The following RAB38 variants were observed in gnomAD, a reference collection of about 807,000 sequenced individuals.
RAB38 encodes ras-related protein Rab-38.
In RAB38, 15 loss-of-function variants were observed where a neutral mutation model predicts 18.4. The observed-to-expected ratio is 0.82, with a 90% confidence interval of 0.55 to 1.26. The LOEUF is 1.26. Ranked by LOEUF, RAB38 falls within the 50% of genes most tolerant of loss-of-function variation. The pLI is 0.00. For synonymous variants in RAB38, 101 were observed against 104.4 expected (o/e 0.97, Z 0.20); for missense variants, 294 against 267.4 (o/e 1.10, Z -0.69).
the RAB38 span, among the ~76,000 whole-genome samples, chr11:88,069,353 G>A: frequency 1.3e-5 from 2 of 152,186 alleles, no homozygotes; most frequent in African/African-American, 4.8e-5. Flanking sequence ...CTCCCACGTG[G>A]CCCAAGCCTC....
the RAB38 span, among the ~76,000 whole-genome samples, chr11:87,807,143 G>C: frequency 6.6e-6 from 1 of 152,136 alleles, no homozygotes; most frequent in African/African-American, 2.4e-5. Flanking sequence ...ATGATCTCAG[G>C]TGGAACAATT....
At chr11:87,942,848 C>T in the RAB38 span, among the ~76,000 whole-genome samples, 2 of 152,140 alleles carry the variant, frequency 1.3e-5, no homozygotes, top group African/African-American at 2.4e-5. Flanking sequence ...TAATCATTCT[C>T]GCTTTTCATA....
the RAB38 span, among the ~76,000 whole-genome samples, chr11:87,941,212 G>GATATATATATATATATATATAT: frequency 9.7e-3 from 365 of 37,616 alleles, 38 homozygotes; most frequent in South Asian, 0.018. Flanking sequence ...ATAAATATAT[G>GATATATATATATATATATATAT]AGATATATAT....
intron 2 of RAB38, among the ~76,000 whole-genome samples, chr11:88,144,286 A>G (rs1942952937): frequency 1.3e-5 from 2 of 152,218 alleles, no homozygotes; most frequent in Non-Finnish European, 1.5e-5. Context: ...GTGGAGGTAT[A>G]TCTTATAACT....
the RAB38 span, among the ~76,000 whole-genome samples, chr11:87,958,762 C>A: frequency 6.6e-6 from 1 of 152,154 alleles, no homozygotes. Flanking sequence ...TTGAACAGGG[C>A]ATACGTTTGC....
the RAB38 span, among the ~76,000 whole-genome samples, chr11:87,874,690 A>T: frequency 5.3e-5 from 8 of 150,904 alleles, no homozygotes; most frequent in East Asian, 3.9e-4. Context: ...AAAATAAATT[A>T]AAAAATGCTC....
At chr11:87,880,491 A>C in the RAB38 span, among the ~76,000 whole-genome samples, 2 of 151,856 alleles carry the variant, frequency 1.3e-5, 1 homozygote. Context: ...TATGAAAAAG[A>C]AATCACATTG....
At chr11:88,024,509 G>A in the RAB38 span, among the ~76,000 whole-genome samples, 2 of 152,110 alleles carry the variant, frequency 1.3e-5, no homozygotes, top group Admixed American at 1.3e-4. Context: ...GGGCTACCAC[G>A]TGATCCAGCA....
chr11:88,033,292 G>A, the RAB38 span, among the ~76,000 whole-genome samples: 1 of 151,864 alleles, frequency 6.6e-6, no homozygotes, highest in Non-Finnish European at 1.5e-5. Flanking sequence ...ACGAGTTAGT[G>A]GGTGCAGCAC....
At chr11:88,089,219 C>T in the RAB38 span, among the ~76,000 whole-genome samples, 1 of 150,560 alleles carries the variant, frequency 6.6e-6, no homozygotes, top group Non-Finnish European at 1.5e-5. Context: ...TCTTGTGACA[C>T]TCTCTCTTGT....
intron 1 of RAB38, among the ~76,000 whole-genome samples, chr11:88,154,127 T>C (rs1943097169): frequency 6.6e-6 from 1 of 152,196 alleles, no homozygotes; most frequent in African/African-American, 2.4e-5. Flanking sequence ...AAGCACTTTG[T>C]TTCTCCCAAG....
At chr11:87,895,948 T>G in the RAB38 span, among the ~76,000 whole-genome samples, 2 of 151,734 alleles carry the variant, frequency 1.3e-5, no homozygotes, top group African/African-American at 4.8e-5. Context: ...CCTTTGTACA[T>G]GTCATTTTCT....
chr11:87,907,937 A>C, the RAB38 span, among the ~76,000 whole-genome samples: 2 of 151,850 alleles, frequency 1.3e-5, no homozygotes, highest in Non-Finnish European at 2.9e-5. Flanking sequence ...CATTTTATAT[A>C]TAGTATAAAT....
At chr11:87,879,904 TA>T in the RAB38 span, 3 of 151,732 alleles carry the variant, frequency 2.0e-5, no homozygotes, top group Non-Finnish European at 2.9e-5. Flanking sequence ...ATATTTCAAA[TA>T]TTATTATAGA....
At chr11:87,939,363 G>T in the RAB38 span, among the ~76,000 whole-genome samples, 1 of 132,018 alleles carries the variant, frequency 7.6e-6, no homozygotes, top group African/African-American at 3.0e-5. Context: ...CTTCATTGGG[G>T]TAACACACAC....
At chr11:87,808,178 C>G in the RAB38 span, among the ~76,000 whole-genome samples, 1 of 152,088 alleles carries the variant, frequency 6.6e-6, no homozygotes, top group African/African-American at 2.4e-5. Flanking sequence ...TATAGAACTA[C>G]CATATGATCG....
chr11:87,818,654 A>C, the RAB38 span, among the ~76,000 whole-genome samples: 113 of 152,328 alleles, frequency 7.4e-4, 1 homozygote, highest in East Asian at 0.018. Flanking sequence ...CCCAAATTTC[A>C]CAACACTTAC....
At chr11:87,874,624 T>G in the RAB38 span, among the ~76,000 whole-genome samples, 2 of 150,722 alleles carry the variant, frequency 1.3e-5, no homozygotes, top group Non-Finnish European at 3.0e-5. Context: ...GTTGTGCACA[T>G]GTACCCTAGA....
chr11:87,964,582 T>C, the RAB38 span, among the ~76,000 whole-genome samples: 14 of 152,186 alleles, frequency 9.2e-5, no homozygotes, highest in East Asian at 2.7e-3. Context: ...AAATAGACGA[T>C]GGGAGAAGAG....
Sources: gnomAD v4.1 joint callset for allele counts (sites outside exome capture counted in the v4.1 genomes callset) on GRCh38, gnomAD v4.1.1 for gene constraint, MANE v1.5 for transcripts, NCBI Gene and HGNC (gene_info 2026-07-23, HGNC 2026-07-21) for gene names.